The following PELI2 variants were observed in gnomAD, a reference collection of about 807,000 sequenced individuals.
PELI2 encodes the protein E3 ubiquitin-protein ligase pellino homolog 2.
PELI2 carries 23 observed loss-of-function variants against 42.3 expected under a neutral mutation model. The observed-to-expected ratio is 0.54, with a 90% CI of 0.39 to 0.77. PELI2 has a LOEUF of 0.77. Among genes scored for constraint, PELI2 ranks in the 30% least tolerant of loss-of-function variants. The pLI is 0.00. For missense variants in PELI2, 463 were observed against 553.2 expected, an observed-to-expected ratio of 0.84 and a Z score of 1.64; for synonymous variants, 245 against 212.2, an observed-to-expected ratio of 1.15 and a Z score of -1.34.
At position 56,265,518 on chromosome 14, in the gene PELI2, A is replaced by G. The variant is rs143210487; in HGVS notation, c.208-14158A>G. Among the ~76,000 whole-genome samples the G allele has an allele frequency of 6.0e-3, 911 of 152,260 alleles. 10 individuals carry two copies. The highest frequency in any genetic ancestry group is 0.02 in the African/African-American group (832 of 41,586). On this transcript the variant is annotated intron_variant, in intron 2 of 5. Coordinates refer to ENST00000267460, the MANE Select transcript of PELI2 (RefSeq NM_021255.3). ...ATAAAACTTCTAAGAGAAAACATAG[A>G]AGAAAAATCTTTGCAATTTTGAGTT...
At chr14:56,243,323 G>A (rs1277526343) in intron 2 of PELI2, among the ~76,000 whole-genome samples, 3 of 152,214 alleles carry the variant, frequency 2.0e-5, no homozygotes, top group Admixed American at 6.5e-5. Context: ...GATTCCAGCT[G>A]TGAGGGGGTT....
rs1324328259 is a variant in PELI2, at chr14:56,290,408, T to C, written c.648T>C (p.Asp216=). The C allele has an allele frequency of 5.0e-6, 8 of 1,611,842 alleles. No individual in the cohort carries two copies. The highest frequency in any genetic ancestry group is 6.8e-6 in the Non-Finnish European group (8 of 1,178,410). The change falls in exon 5 of 6, where the codon GAT becomes GAC. Residue 216 remains aspartate, a synonymous_variant. Coordinates refer to ENST00000267460, the MANE Select transcript of PELI2 (RefSeq NM_021255.3). The part of the protein sequence containing the change: ...GVWREISVCG[D]VYTLRETRSA... ...GGCGCGAGATCTCTGTCTGTGGAGA[T>C]GTGTACACCTTGCGAGAAACCAGGT... is the stretch of plus-strand genomic sequence containing the variant.
At chr14:56,164,331 G>A (rs1884874085) in intron 1 of PELI2, among the ~76,000 whole-genome samples, 1 of 152,040 alleles carries the variant, frequency 6.6e-6, no homozygotes, top group Non-Finnish European at 1.5e-5. Flanking sequence ...TGTTGATACA[G>A]TGTATCATAT....
chr14:56,161,938 T>C (rs138261485), intron 1 of PELI2, among the ~76,000 whole-genome samples: 27 of 152,292 alleles, frequency 1.8e-4, no homozygotes, highest in South Asian at 1.0e-3. Context: ...ACCTACGTAC[T>C]TTGTAAGACT....
chr14:56,194,882 G>C (rs930726900), intron 2 of PELI2, among the ~76,000 whole-genome samples: 3 of 152,048 alleles, frequency 2.0e-5, no homozygotes, highest in South Asian at 4.1e-4. Flanking sequence ...TTAGGATCTT[G>C]TCTTTTATGT....
intron 2 of PELI2, among the ~76,000 whole-genome samples, chr14:56,231,453 C>T: frequency 6.6e-6 from 1 of 152,234 alleles, no homozygotes; most frequent in Admixed American, 6.5e-5. Context: ...GATTAAGAAA[C>T]TCACTCAAAA....
intron 2 of PELI2, among the ~76,000 whole-genome samples, chr14:56,271,415 T>C (rs989543332): frequency 2.0e-5 from 3 of 152,198 alleles, no homozygotes; most frequent in African/African-American, 7.2e-5. Context: ...ACATAGAAAG[T>C]TTGTATTTCA....
rs946307716 is a variant in PELI2 at position 56,197,224 on chromosome 14, G to A, written c.207+18760G>A. Among the ~76,000 whole-genome samples, 1 of 152,122 alleles carries A rather than the reference G, an allele frequency of 6.6e-6. No individual in the cohort carries two copies. The highest frequency in any genetic ancestry group is 2.1e-4 in the South Asian group (1 of 4,830). On this transcript the variant is annotated intron_variant, in intron 2 of 5. Transcript: ENST00000267460. This position sits in a 1 kb window ranked among gnomAD's most constrained non-coding sequence, Gnocchi z 4.9. ...ATTCATTGGTGCTCAGCACTGTCAA[G>A]GAAACAAACAGTGGAGAATACTGTG...
intron 2 of PELI2, among the ~76,000 whole-genome samples, chr14:56,263,399 C>T (rs1442102188): frequency 6.6e-6 from 1 of 151,386 alleles, no homozygotes; most frequent in African/African-American, 2.4e-5. Flanking sequence ...CAAATTTCAG[C>T]CAAAAAAAAG....
chr14:56,254,823 C>T (rs564988423), intron 2 of PELI2, among the ~76,000 whole-genome samples: 4 of 152,178 alleles, frequency 2.6e-5, no homozygotes, highest in East Asian at 1.9e-4. Flanking sequence ...AAAAAGTGGG[C>T]GAAGGATATG....
intron 2 of PELI2, among the ~76,000 whole-genome samples, chr14:56,223,958 G>C (rs1389394063): frequency 6.6e-6 from 1 of 152,180 alleles, no homozygotes; most frequent in East Asian, 1.9e-4. Flanking sequence ...GGATGGTGGA[G>C]ATCGATGTAC....
chr14:56,231,020 T>C (rs1430337840), intron 2 of PELI2, among the ~76,000 whole-genome samples: 1 of 152,176 alleles, frequency 6.6e-6, no homozygotes, highest in Non-Finnish European at 1.5e-5. Context: ...GGCCATTACA[T>C]AATGGTAAAG....
At chr14:56,263,201 T>C (rs973706157) in intron 2 of PELI2, among the ~76,000 whole-genome samples, 1 of 152,178 alleles carries the variant, frequency 6.6e-6, no homozygotes, top group Non-Finnish European at 1.5e-5. Context: ...CCTCAGGTGA[T>C]CCTCCCATCT....
intron 2 of PELI2, among the ~76,000 whole-genome samples, chr14:56,223,348 G>A (rs900544433): frequency 1.3e-5 from 2 of 152,180 alleles, no homozygotes; most frequent in African/African-American, 4.8e-5. Flanking sequence ...GACACTGGGG[G>A]ATGGTGTGAA....
intron 1 of PELI2, among the ~76,000 whole-genome samples, chr14:56,178,024 A>G (rs1885446925): frequency 6.6e-6 from 1 of 152,220 alleles, no homozygotes; most frequent in South Asian, 2.1e-4. Context: ...AGCCAGCCCT[A>G]ATACAGCCTC....
intron 4 of PELI2, among the ~76,000 whole-genome samples, 164 bp from the exon 5 acceptor site, chr14:56,290,104 G>T (rs1889778170): frequency 6.6e-6 from 1 of 152,158 alleles, no homozygotes; most frequent in African/African-American, 2.4e-5. Flanking sequence ...ATTGTCGAAA[G>T]GATGGCATAT....
In PELI2 at chr14:56,216,653, G is replaced by T. The variant is rs142698237; in HGVS notation, c.207+38189G>T. 3.3e-5 allele frequency among the ~76,000 whole-genome samples: 5 copies of T among 152,304 alleles called. No individual in the cohort carries two copies. In the East Asian group the frequency reaches 9.6e-4, roughly 29 times the overall value. On this transcript the variant is annotated intron_variant, in intron 2 of 5. Coordinates refer to ENST00000267460, the MANE Select transcript of PELI2 (RefSeq NM_021255.3). ...ATTGCTATGTGGTTATAAACTGATG[G>T]CAATGGCATTCATTTTAACTTAATT...
chr14:56,211,492 A>G (rs1046098283), intron 2 of PELI2, among the ~76,000 whole-genome samples: 19 of 152,150 alleles, frequency 1.2e-4, no homozygotes, highest in Admixed American at 5.2e-4. Context: ...AGTATCTCAC[A>G]TGTTGTATAG....
intron 1 of PELI2, among the ~76,000 whole-genome samples, chr14:56,175,746 C>T (rs1885353366): frequency 1.3e-5 from 2 of 152,102 alleles, no homozygotes; most frequent in African/African-American, 4.8e-5. Context: ...GTTTTTTTCC[C>T]TCCCTTTATA....
Sources: allele counts gnomAD v4.1 joint callset (sites outside exome capture counted in the v4.1 genomes callset), GRCh38; gene constraint gnomAD v4.1.1; non-coding constraint Gnocchi (gnomAD v3.1); transcripts MANE v1.5; gene names NCBI Gene and HGNC (gene_info 2026-07-23, HGNC 2026-07-21).